Variants in KLHL4 observed in about 807,000 individuals in gnomAD.
KLHL4 encodes kelch-like protein 4.
KLHL4 carries 17 observed loss-of-function variants against 45.8 expected under a neutral mutation model. That is an observed-to-expected ratio of 0.37 (90% confidence interval 0.25 to 0.56). KLHL4 has a LOEUF of 0.56. Ranked by LOEUF, KLHL4 falls within the 20% of genes least tolerant of loss-of-function variation. The pLI is 0.79. For missense variants in KLHL4, 544 were observed against 544.9 expected (o/e 1.00, Z 0.02); for synonymous variants, 224 against 189.9 (o/e 1.18, Z -1.47).
chrX:87,668,973 C>T lies in KLHL4; in HGVS notation c.*2439C>T, dbSNP rs1379411731. 1.3e-6 allele frequency: 1 copy of T among 769,504 alleles called. No homozygotes were observed. Among genetic ancestry groups the T allele is most frequent in the Non-Finnish European group, 1.5e-6 (1 of 650,362 alleles). The allele number at this position is 769,504 out of a possible 1,213,427, so 63.4% of individuals were successfully genotyped here. On this transcript the variant is annotated 3_prime_UTR_variant, in exon 11 of 11. Coordinates refer to ENST00000373119, the MANE Select transcript of KLHL4 (RefSeq NM_019117.5). ...CTGCCAAAATCTGAGCAGATATGAGCCATCAGAATAGAGACCTGCAGAGGC... is the reference window on the plus strand; with the variant it reads ...CTGCCAAAATCTGAGCAGATATGAGTCATCAGAATAGAGACCTGCAGAGGC...
At chrX:87,621,523 T>TAAAAA (rs35849326) in intron 4 of KLHL4, among the ~76,000 whole-genome samples, 116 of 100,286 alleles carry the variant, frequency 1.2e-3, no homozygotes, top group African/African-American at 4.1e-3. Flanking sequence ...TTCACTCTAC[T>TAAAAA]AAAAAAAAAA....
chrX:87,570,057 G>A (rs1932302983), intron 1 of KLHL4, among the ~76,000 whole-genome samples: 1 of 111,150 alleles, frequency 9.0e-6, no homozygotes, highest in African/African-American at 3.3e-5. Flanking sequence ...TGTTAGATAA[G>A]TAATGTACTA....
intron 1 of KLHL4, among the ~76,000 whole-genome samples, chrX:87,546,305 A>G (rs1415249454): frequency 1.8e-5 from 2 of 111,672 alleles, no homozygotes; most frequent in Admixed American, 1.9e-4. Flanking sequence ...CATTTAGTCC[A>G]TGGTAAAAGG....
At chrX:87,616,856 T>C (rs1375535967) in intron 3 of KLHL4, among the ~76,000 whole-genome samples, 1 of 111,462 alleles carries the variant, frequency 9.0e-6, no homozygotes, top group Admixed American at 9.6e-5. Context: ...GCTGATGGGC[T>C]GGACCCCTTT....
intron 1 of KLHL4, among the ~76,000 whole-genome samples, chrX:87,575,705 A>C (rs1237275160): frequency 9.0e-6 from 1 of 111,539 alleles, no homozygotes; most frequent in Non-Finnish European, 1.9e-5. Context: ...GCAGAGGGAA[A>C]ACATTGTGGG....
intron 1 of KLHL4, among the ~76,000 whole-genome samples, chrX:87,556,678 AAAAACAAAACAAAACAAAAC>A (rs58655413): frequency 9.7e-6 from 1 of 102,734 alleles, no homozygotes; most frequent in African/African-American, 3.6e-5. Flanking sequence ...GTATAATAAT[AAAAACAAAACAAAACAAAAC>A]AAAACAAAAC....
chrX:87,657,615 A>C (rs773770471), intron 9 of KLHL4, among the ~76,000 whole-genome samples: 1 of 111,164 alleles, frequency 9.0e-6, no homozygotes, highest in East Asian at 2.9e-4. Context: ...CAGCAGTTGT[A>C]ATGGGCTGTG....
intron 3 of KLHL4, among the ~76,000 whole-genome samples, chrX:87,614,956 G>T (rs1922508785): frequency 9.0e-6 from 1 of 111,268 alleles, no homozygotes; most frequent in Non-Finnish European, 1.9e-5. Context: ...TAGAGATTTA[G>T]TCATTCTGTT....
At chrX:87,584,985 AG>A (rs1921417293) in intron 1 of KLHL4, among the ~76,000 whole-genome samples, 1 of 111,542 alleles carries the variant, frequency 9.0e-6, no homozygotes, top group Non-Finnish European at 1.9e-5. Context: ...GCAAGAGAAA[AG>A]AAACAAGTAA....
chrX:87,547,696 C>A (rs1037763129), intron 1 of KLHL4, among the ~76,000 whole-genome samples: 6 of 110,305 alleles, frequency 5.4e-5, no homozygotes, highest in African/African-American at 1.7e-4. Flanking sequence ...TGGCAGGCAC[C>A]TGTAGTCCTA....
intron 4 of KLHL4, among the ~76,000 whole-genome samples, chrX:87,619,660 C>G (rs1922681230): frequency 9.0e-6 from 1 of 111,595 alleles, no homozygotes; most frequent in Admixed American, 9.6e-5. Flanking sequence ...CACTTGCAAG[C>G]AAAATACATT....
At chrX:87,576,890 T>C (rs1921119001) in intron 1 of KLHL4, among the ~76,000 whole-genome samples, 1 of 111,999 alleles carries the variant, frequency 8.9e-6, no homozygotes, top group African/African-American at 3.2e-5. Flanking sequence ...TTTAACCTGC[T>C]AGATTGAAAT....
intron 1 of KLHL4, among the ~76,000 whole-genome samples, chrX:87,528,187 G>C (rs773563747): frequency 2.7e-5 from 3 of 111,721 alleles, no homozygotes; most frequent in Non-Finnish European, 5.6e-5. Flanking sequence ...ATTCAACAAA[G>C]AGATAGATAT....
At chrX:87,652,534 G>T (rs1923853626) in intron 9 of KLHL4, among the ~76,000 whole-genome samples, 1 of 111,799 alleles carries the variant, frequency 8.9e-6, no homozygotes, top group Non-Finnish European at 1.9e-5. Flanking sequence ...TCTAGGGCAG[G>T]GACAAAATGC....
At chrX:87,526,870 C>T (rs754777403) in intron 1 of KLHL4, among the ~76,000 whole-genome samples, 22 of 111,294 alleles carry the variant, frequency 2.0e-4, no homozygotes, top group Middle Eastern at 4.8e-3. Flanking sequence ...GAAGTCAGAG[C>T]GTATTAATCC....
At chrX:87,649,158 C>T (rs927122886) in intron 9 of KLHL4, among the ~76,000 whole-genome samples, 1 of 107,559 alleles carries the variant, frequency 9.3e-6, no homozygotes, top group Non-Finnish European at 2.0e-5. Context: ...CAGATTGAAA[C>T]TCTGTATTTA....
chrX:87,541,776 C>T (rs960504445), intron 1 of KLHL4, among the ~76,000 whole-genome samples: 2 of 110,973 alleles, frequency 1.8e-5, no homozygotes, highest in Non-Finnish European at 3.8e-5. Context: ...AATGTGGGAG[C>T]GACTTTGGAA....
Position 87,518,216 on chromosome X carries a change from A to C in KLHL4, c.323A>C (p.Lys108Thr). 2.5e-6 allele frequency: 3 copies of C among 1,211,242 alleles called. No homozygotes were observed. The South Asian group carries it at 5.3e-5, about 21-fold the overall frequency. ...TTTCAAGCAAATGAAGATACTCCTA[A>C]ATCAGTTCCAGAGAAGAATTTATTC... ...VHFQANEDTP[K>T]SVPEKNLFKE... Residue 108 changes from lysine to threonine, a missense_variant, in exon 1 of 11, where the codon AAA becomes ACA. Physicochemically the swap from Lys to Thr is moderately conservative, Grantham distance 78. Transcript: ENST00000373119.
At chrX:87,592,124 T>A (rs936905793) in intron 1 of KLHL4, among the ~76,000 whole-genome samples, 1 of 111,640 alleles carries the variant, frequency 9.0e-6, no homozygotes, top group Non-Finnish European at 1.9e-5. Flanking sequence ...TGTTTTACTA[T>A]GCCTGGCTTA....
Sources: gnomAD v4.1 joint callset for allele counts (sites outside exome capture counted in the v4.1 genomes callset) on GRCh38, gnomAD v4.1.1 for gene constraint, MANE v1.5 for transcripts, NCBI Gene and HGNC (gene_info 2026-07-23, HGNC 2026-07-21) for gene names.